Variants in RASGRF2 observed in about 807,000 individuals in gnomAD.
The protein encoded by RASGRF2 is Ras protein specific guanine nucleotide releasing factor 2.
Under a neutral mutation model 151.0 loss-of-function variants are expected in RASGRF2, and 76 were observed. The observed-to-expected ratio is 0.50, with a 90% CI of 0.42 to 0.61. The LOEUF is 0.61. Ranked by LOEUF, RASGRF2 falls within the 20% of genes least tolerant of loss-of-function variation. The probability of loss-of-function intolerance (pLI) is 0.00; values close to 1 mark genes in which losing one functional copy is unlikely to be tolerated. For synonymous variants in RASGRF2, 504 were observed against 566.5 expected, an observed-to-expected ratio of 0.89 and a Z score of 1.57; for missense variants, 1,148 against 1,564.6, an observed-to-expected ratio of 0.73 and a Z score of 4.49.
intron 16 of RASGRF2, among the ~76,000 whole-genome samples, chr5:81,126,791 A>G (rs1252223865): frequency 6.6e-6 from 1 of 152,094 alleles, no homozygotes; most frequent in East Asian, 1.9e-4. Flanking sequence ...CTGTTTATCA[A>G]TTGGTGGACA....
At chr5:81,156,505 C>T (rs1349818338) in intron 17 of RASGRF2, among the ~76,000 whole-genome samples, 1 of 152,042 alleles carries the variant, frequency 6.6e-6, no homozygotes, top group African/African-American at 2.4e-5. Context: ...AACACCATAA[C>T]CAAATAGGAT....
At chr5:81,133,791 G>A (rs1753683051) in intron 17 of RASGRF2, among the ~76,000 whole-genome samples, 1 of 152,172 alleles carries the variant, frequency 6.6e-6, no homozygotes, top group Non-Finnish European at 1.5e-5. Flanking sequence ...TGTTACAATT[G>A]CTTAGATAAA....
intron 23 of RASGRF2, among the ~76,000 whole-genome samples, chr5:81,213,297 G>A (rs755316495): frequency 2.8e-4 from 42 of 152,186 alleles, no homozygotes; most frequent in Non-Finnish European, 5.7e-4. Flanking sequence ...TGGGAACAAT[G>A]CATGGTGATT....
At chr5:81,062,230 G>T (rs1041241346) in intron 2 of RASGRF2, among the ~76,000 whole-genome samples, 17 of 152,012 alleles carry the variant, frequency 1.1e-4, no homozygotes, top group African/African-American at 4.1e-4. Context: ...ACTAATTTTA[G>T]CCAGTGTGAT....
chr5:81,144,117 G>A (rs1339741349), intron 17 of RASGRF2, among the ~76,000 whole-genome samples: 1 of 152,150 alleles, frequency 6.6e-6, no homozygotes, highest in Non-Finnish European at 1.5e-5. Context: ...CAATGATAAT[G>A]TTGTGATTAT....
intron 18 of RASGRF2, among the ~76,000 whole-genome samples, chr5:81,183,512 T>G (rs1673376024): frequency 6.6e-6 from 1 of 152,180 alleles, no homozygotes; most frequent in Admixed American, 6.5e-5. Flanking sequence ...TAGTTAATAT[T>G]TGGGGAGGCT....
At chr5:81,146,435 C>G (rs771694489) in intron 17 of RASGRF2, among the ~76,000 whole-genome samples, 3 of 152,072 alleles carry the variant, frequency 2.0e-5, no homozygotes, top group African/African-American at 7.2e-5. Flanking sequence ...TTTGAGGTCC[C>G]TTACAGACAT....
intron 1 of RASGRF2, among the ~76,000 whole-genome samples, chr5:80,991,067 A>G (rs926755713): frequency 6.6e-6 from 1 of 152,196 alleles, no homozygotes; most frequent in Non-Finnish European, 1.5e-5. Flanking sequence ...GTTCACTGAC[A>G]GAATATCTGA....
At chr5:81,195,524 C>T (rs1474631163) in intron 18 of RASGRF2, among the ~76,000 whole-genome samples, 4 of 150,880 alleles carry the variant, frequency 2.7e-5, no homozygotes, top group Non-Finnish European at 4.4e-5. Context: ...CTAGGTAGTA[C>T]ATCAGAAGAT....
At chr5:81,178,983 C>G (rs1193857839) in intron 17 of RASGRF2, among the ~76,000 whole-genome samples, 4 of 152,152 alleles carry the variant, frequency 2.6e-5, no homozygotes, top group Non-Finnish European at 5.9e-5. Context: ...CATGATCCAC[C>G]GCCTTGGCCT....
At chr5:80,974,726 G>A (rs1050944247) in intron 1 of RASGRF2, among the ~76,000 whole-genome samples, 1 of 152,282 alleles carries the variant, frequency 6.6e-6, no homozygotes, top group Admixed American at 6.5e-5. Context: ...AATTTAGGCC[G>A]GAGAGTCACA....
chr5:81,097,566 AG>A (rs369537934), intron 12 of RASGRF2, among the ~76,000 whole-genome samples: 46 of 152,336 alleles, frequency 3.0e-4, no homozygotes, highest in African/African-American at 1.1e-3. Context: ...GGGCTGCTGA[AG>A]GTGGGTGGGT....
intron 2 of RASGRF2, among the ~76,000 whole-genome samples, chr5:81,050,052 C>T (rs923477689): frequency 6.6e-6 from 1 of 152,196 alleles, no homozygotes; most frequent in African/African-American, 2.4e-5. Context: ...TCACTCAAAC[C>T]AGCAGGATAT....
chr5:81,139,735 A>G (rs1293845057), intron 17 of RASGRF2, among the ~76,000 whole-genome samples: 1 of 152,204 alleles, frequency 6.6e-6, no homozygotes, highest in East Asian at 1.9e-4. Context: ...AATAAATATA[A>G]TGATATAAAC....
In RASGRF2 at chr5:81,070,199, T is replaced by C. The variant is rs139813045; in HGVS notation, c.544-293T>C. On this transcript the variant is annotated intron_variant, in intron 3 of 26. Transcript: ENST00000265080. ...TATCACTGGACTCCTGACAAGGTCT[T>C]GGCGGGCTCACCACTGGCAGCTGGG... The C allele has an allele frequency of 2.5e-4, 87 of 347,792 alleles. No individual in the cohort carries two copies. In the East Asian group the frequency reaches 5.4e-3, roughly 22 times the overall value. 21.5% of individuals were successfully genotyped at this position (347,792 alleles called of 1,614,324 possible).
intron 7 of RASGRF2, among the ~76,000 whole-genome samples, chr5:81,084,570 G>A (rs78377687): frequency 0.011 from 1,625 of 152,302 alleles, 29 homozygotes; most frequent in African/African-American, 0.037. Flanking sequence ...TGATCCCAGA[G>A]CTGAAGTTCA....
intron 12 of RASGRF2, chr5:81,096,160 C>G (rs1254277769): frequency 1.3e-5 from 2 of 152,056 alleles, no homozygotes; most frequent in Non-Finnish European, 2.9e-5. Flanking sequence ...GCTTCAATGG[C>G]AAATAAATAG....
chr5:81,069,261 CTGA>C (rs1260997433), intron 3 of RASGRF2, among the ~76,000 whole-genome samples: 1 of 152,226 alleles, frequency 6.6e-6, no homozygotes, highest in African/African-American at 2.4e-5. Flanking sequence ...GGCAGCTTCT[CTGA>C]TGATGACAAC....
chr5:81,188,024 T>C (rs1197002632), intron 18 of RASGRF2, among the ~76,000 whole-genome samples: 4 of 152,092 alleles, frequency 2.6e-5, no homozygotes, highest in Admixed American at 2.6e-4. Context: ...GAATGAAAAG[T>C]GAAAGAAACA....
Sources: allele counts gnomAD v4.1 joint callset (sites outside exome capture counted in the v4.1 genomes callset), GRCh38; gene constraint gnomAD v4.1.1; transcripts MANE v1.5; gene names NCBI Gene and HGNC (gene_info 2026-07-23, HGNC 2026-07-21).